The following ADCYAP1 variants were observed in gnomAD, a reference collection of about 807,000 sequenced individuals.
The protein encoded by ADCYAP1 is pituitary adenylate cyclase-activating polypeptide.
ADCYAP1 carries 6 observed loss-of-function variants against 18.5 expected under a neutral mutation model. The observed-to-expected ratio is 0.32, with a 90% CI of 0.18 to 0.64. ADCYAP1 has a LOEUF of 0.64. Ranked by LOEUF, ADCYAP1 falls within the 30% of genes least tolerant of loss-of-function variation. The probability of loss-of-function intolerance (pLI) is 0.77; values close to 1 mark genes in which losing one functional copy is unlikely to be tolerated. For synonymous variants in ADCYAP1, 136 were observed against 113.9 expected (o/e 1.19, Z -1.24); for missense variants, 314 against 253.6 (o/e 1.24, Z -1.62).
chr18:907,669 GA>G lies in ADCYAP1; in HGVS notation c.122del (p.Glu41GlyfsTer118), dbSNP rs2143115171. The G allele has an allele frequency of 6.3e-7, 1 of 1,582,546 alleles. No individual in the cohort carries two copies. Among genetic ancestry groups the G allele is most frequent in the Non-Finnish European group, 8.5e-7 (1 of 1,172,356 alleles). On this transcript the variant is annotated frameshift_variant, in exon 3 of 5. Transcript: ENST00000450565. LOFTEE classifies it high-confidence loss of function. The stretch of plus-strand genomic sequence containing the variant: ...CCGGCCACCCCGCAGGCCAGAGGAA[GA>G]GGCGTACGGCGAGGACGGAAACCCG... ...LRFPGIRPEE[E>X]AYGEDGNPLP... is the part of the protein sequence containing the mutation.
intron 2 of ADCYAP1, among the ~76,000 whole-genome samples, chr18:907,318 C>T (rs564733431): frequency 1.3e-5 from 2 of 152,240 alleles, no homozygotes; most frequent in South Asian, 4.1e-4. Flanking sequence ...TGGGGAGGCT[C>T]GGGAGCCAGG....
At chr18:908,085 C>A in intron 3 of ADCYAP1, 180 bp from the exon 4 acceptor site, 1 of 671,172 alleles carries the variant, frequency 1.5e-6, no homozygotes, top group Non-Finnish European at 2.5e-6. Context: ...GGACTAGCTC[C>A]CGATCCTAGC....
At chr18:905,184 A>C in intron 1 of ADCYAP1, 124 bp downstream of exon 1, 48 of 1,392,568 alleles carry the variant, frequency 3.4e-5, no homozygotes, top group East Asian at 2.0e-4. Flanking sequence ...GGCGCCGGGT[A>C]GATGCATATA....
At chr18:907,424 C>A (rs1909208481) in intron 2 of ADCYAP1, 3 of 444,542 alleles carry the variant, frequency 6.7e-6, no homozygotes, top group Non-Finnish European at 1.2e-5. Flanking sequence ...GCCCGCAGGA[C>A]GACCCTTTAC....
rs1319599726 is a variant in ADCYAP1 at position 905,463 on chromosome 18, C to T, written c.77C>T (p.Pro26Leu). The T allele has an allele frequency of 9.9e-6, 16 of 1,610,512 alleles. No homozygotes were observed. The highest frequency in any genetic ancestry group is 1.4e-5 in the Non-Finnish European group (16 of 1,180,016). Residue 26 changes from proline (P) to leucine (L), a missense_variant, in exon 2 of 5, where the codon CCT becomes CTT. Physicochemically the swap from Pro to Leu is moderately conservative, Grantham distance 98. Transcript: ENST00000450565. ...IIMHSSVYSS[P>L]AAAGLRFPGI... ...ATGCACAGCAGCGTCTACAGCTCACCTGCCGCCGCCGGACTCCGGTTCCCC... is the reference window on the plus strand; with the variant it reads ...ATGCACAGCAGCGTCTACAGCTCACTTGCCGCCGCCGGACTCCGGTTCCCC...
At position 909,721 on chromosome 18, in the gene ADCYAP1, TG is replaced by T; in HGVS notation, c.*87del. On this transcript the variant is annotated 3_prime_UTR_variant, in exon 5 of 5. Transcript: ENST00000450565. The stretch of plus-strand genomic sequence containing the variant: ...ACTGACTCAACAGTCATCGCTCGTG[TG>T]TTCTATCCAAACATGTATTTATGTA... The T allele has an allele frequency of 8.2e-7, 1 of 1,225,780 alleles. No homozygotes were observed. The highest frequency in any genetic ancestry group is 1.2e-6 in the Non-Finnish European group (1 of 867,296). 75.9% of individuals were successfully genotyped at this position (1,225,780 alleles called of 1,614,324 possible).
chr18:906,546 C>T (rs1909178049), intron 2 of ADCYAP1: 1 of 152,430 alleles, frequency 6.6e-6, no homozygotes, highest in Non-Finnish European at 1.5e-5. Context: ...CAGAAAGACC[C>T]CAGGGTTCGG....
Position 905,077 on chromosome 18 carries a change from C to A in ADCYAP1, c.-2+17C>A, listed in dbSNP as rs1338850855. The A allele has an allele frequency of 7.7e-7, 1 of 1,297,478 alleles. No individual in the cohort carries two copies. Among genetic ancestry groups the A allele is most frequent in the South Asian group, 1.4e-5 (1 of 69,690 alleles). The allele number at this position is 1,297,478 out of a possible 1,614,324, so 80.4% of individuals were successfully genotyped here. On this transcript the variant is annotated intron_variant, in intron 1 of 4. Transcript: ENST00000450565. ...AGTTGAAGGGTAAGGGAGGGAAAAT[C>A]TTACCAAAGCGACCGGCTCACTCGA... is the stretch of plus-strand genomic sequence containing the variant.
rs1182341897 is a variant in ADCYAP1, at chr18:910,944, A to G, written c.*1309A>G. The G allele has an allele frequency of 6.6e-6, 1 of 152,094 alleles. No homozygotes were observed. Among genetic ancestry groups the G allele is most frequent in the African/African-American group, 2.4e-5 (1 of 41,386 alleles). 9.4% of individuals were successfully genotyped at this position (152,094 alleles called of 1,614,324 possible). On this transcript the variant is annotated 3_prime_UTR_variant, in exon 5 of 5. Coordinates refer to ENST00000450565, the MANE Select transcript of ADCYAP1 (RefSeq NM_001099733.2). ...AGAAACCCCTCTGTAGCCACTAGTA[A>G]GTAATTATGCACTAAATATGAACCC... is the stretch of plus-strand genomic sequence containing the variant.
chr18:908,333 A>C lies in ADCYAP1; in HGVS notation c.311A>C (p.His104Pro). 1 of 1,613,320 alleles carries C rather than the reference A, an allele frequency of 6.2e-7. No individual in the cohort carries two copies. ...CTGGACCAGCTGTCCGCCGGGAAGC[A>C]CCTGCAGTCGCTCGTGGCCCGGGGC... ...KVLDQLSAGK[H>P]LQSLVARGVG... The change falls in exon 4 of 5, where the codon CAC becomes CCC. Residue 104 changes from histidine (H) to proline (P), a missense_variant. His to Pro is a moderately conservative substitution (Grantham distance 77, BLOSUM62 -2). Transcript: ENST00000450565.
intron 1 of ADCYAP1, 69 bp from the exon 2 acceptor site, chr18:905,317 T>TA: frequency 6.4e-7 from 1 of 1,572,058 alleles, no homozygotes; most frequent in Non-Finnish European, 8.6e-7. Flanking sequence ...TCCAGAGCTT[T>TA]TTGGGGTTGG....
At chr18:908,094 G>A (rs1224805703) in intron 3 of ADCYAP1, 171 bp from the exon 4 acceptor site, 1 of 679,662 alleles carries the variant, frequency 1.5e-6, no homozygotes, top group Non-Finnish European at 2.4e-6. Flanking sequence ...CCCGATCCTA[G>A]CAGTTGCTCT....
At position 907,783 on chromosome 18, in the gene ADCYAP1, G is replaced by C. The variant is rs755917178; in HGVS notation, c.235G>C (p.Gly79Arg). 2.1e-6 allele frequency: 3 copies of C among 1,439,888 alleles called. No homozygotes were observed. Among genetic ancestry groups the C allele is most frequent in the African/African-American group, 1.5e-5 (1 of 66,770 alleles). 89.2% of individuals were successfully genotyped at this position (1,439,888 alleles called of 1,614,324 possible). Reference sequence around the variant, plus strand: ...CGCCGCCGCCTGGTACCGCCCGGCCGGGAGAAGGTGAGATTCGCGCGGCCT... The same window carrying C: ...CGCCGCCGCCTGGTACCGCCCGGCCCGGAGAAGGTGAGATTCGCGCGGCCT... The part of the protein sequence containing the change: ...RAAAAWYRPA[G>R]RRDVAHGILN... Residue 79 changes from glycine (G) to arginine (R), a missense_variant, in exon 3 of 5, where the codon GGG (glycine) becomes CGG (arginine). Coordinates refer to ENST00000450565, the MANE Select transcript of ADCYAP1 (RefSeq NM_001099733.2).
Position 909,488 on chromosome 18 carries a change from C to T in ADCYAP1, c.384C>T (p.Leu128=). The T allele has an allele frequency of 6.2e-7, 1 of 1,613,442 alleles. No homozygotes were observed. The change falls in exon 5 of 5, where the codon CTC becomes CTT. Residue 128 remains leucine (L), a synonymous_variant. Coordinates refer to ENST00000450565, the MANE Select transcript of ADCYAP1 (RefSeq NM_001099733.2). ...GCGCGGGGGACGACGCGGAGCCGCT[C>T]TCCAAGCGCCACTCGGACGGGATCT... ...GGGAGDDAEP[L]SKRHSDGIFT...
At chr18:904,670 C>A (rs985258649), upstream of ADCYAP1, 1 of 1,220,842 alleles carries the variant, frequency 8.2e-7, no homozygotes, top group African/African-American at 1.6e-5. Context: ...CCGCCCTCTC[C>A]CTTGCCTTCC....
chr18:905,247 C>G, intron 1 of ADCYAP1, 139 bp from the exon 2 acceptor site: 1 of 1,479,956 alleles, frequency 6.8e-7, no homozygotes, highest in Non-Finnish European at 8.9e-7. Context: ...CGCGCACCGG[C>G]TGTCGCCAAG....
At chr18:904,697 C>T, upstream of ADCYAP1, 1 of 1,217,300 alleles carries the variant, frequency 8.2e-7, no homozygotes, top group Non-Finnish European at 1.0e-6. Context: ...TCTTTTCTGA[C>T]TTTCCCTCTT....
At position 907,751 on chromosome 18, in the gene ADCYAP1, C is replaced by G; in HGVS notation, c.203C>G (p.Pro68Arg). The G allele has an allele frequency of 2.7e-6, 4 of 1,503,754 alleles. No homozygotes were observed. Among genetic ancestry groups the G allele is most frequent in the Non-Finnish European group, 2.6e-6 (3 of 1,133,886 alleles). 93.2% of individuals were successfully genotyped at this position (1,503,754 alleles called of 1,614,324 possible). A position where few individuals can be genotyped will look rare whatever the true frequency, so the allele number is the denominator to read the frequency against. Residue 68 changes from proline (P) to arginine (R), a missense_variant, in exon 3 of 5, where the codon CCG becomes CGG. Physicochemically the swap from Pro to Arg is moderately radical, Grantham distance 103. Coordinates refer to ENST00000450565, the MANE Select transcript of ADCYAP1 (RefSeq NM_001099733.2). ...GGCGCAGGGAGCCCCGCCTCCGCGC[C>G]GCGCGCCGCCGCCGCCTGGTACCGC... is the stretch of plus-strand genomic sequence containing the variant. Reference protein sequence around the residue: ...PPGAGSPASAPRAAAAWYRPA... With the variant: ...PPGAGSPASARRAAAAWYRPA...
chr18:909,738 T>A lies in ADCYAP1; in HGVS notation c.*103T>A. On this transcript the variant is annotated 3_prime_UTR_variant, in exon 5 of 5. Transcript: ENST00000450565. ...CGCTCGTGTGTTCTATCCAAACATG[T>A]ATTTATGTAATGAAGTAAAGCCATT... 2.0e-6 allele frequency: 2 copies of A among 1,011,662 alleles called. No individual in the cohort carries two copies. Among genetic ancestry groups the A allele is most frequent in the Non-Finnish European group, 2.8e-6 (2 of 706,524 alleles). 62.7% of individuals were successfully genotyped at this position (1,011,662 alleles called of 1,614,324 possible). A position where few individuals can be genotyped will look rare whatever the true frequency, so the allele number is the denominator to read the frequency against.
Sources: gnomAD v4.1 joint callset for allele counts (sites outside exome capture counted in the v4.1 genomes callset) on GRCh38, gnomAD v4.1.1 for gene constraint, MANE v1.5 for transcripts, NCBI Gene and HGNC (gene_info 2026-07-23, HGNC 2026-07-21) for gene names.